POLN: variants seen among roughly 807,000 people sequenced by gnomAD.
The protein encoded by POLN is DNA polymerase N.
In POLN, 108 loss-of-function variants were observed where a neutral mutation model predicts 113.5. That is an observed-to-expected ratio of 0.95 (90% CI 0.81 to 1.12). The LOEUF (loss-of-function observed/expected upper bound fraction) is 1.12. Ranked by LOEUF, POLN falls within the 50% of genes most tolerant of loss-of-function variation. POLN has a pLI of 0.00. For missense variants in POLN, 1,097 were observed against 1,077.1 expected, an observed-to-expected ratio of 1.02 and a Z score of -0.26; for synonymous variants, 386 against 391.5, an observed-to-expected ratio of 0.99 and a Z score of 0.17.
At chr4:2,230,376 C>T (rs1010276953) in intron 2 of POLN, 1 of 151,984 alleles carries the variant, frequency 6.6e-6, no homozygotes, top group African/African-American at 2.4e-5. Context: ...TACCATAAAC[C>T]AGGAAACCAG....
chr4:2,151,245 A>G (rs1358729300), intron 16 of POLN, among the ~76,000 whole-genome samples: 2 of 152,252 alleles, frequency 1.3e-5, no homozygotes, highest in Non-Finnish European at 2.9e-5. Flanking sequence ...GGGTAATGCA[A>G]TGAAAACTGC....
intron 16 of POLN, among the ~76,000 whole-genome samples, chr4:2,143,471 CA>C (rs1193461238): frequency 6.6e-6 from 1 of 152,042 alleles, no homozygotes; most frequent in Non-Finnish European, 1.5e-5. Flanking sequence ...CTTCAAAAAG[CA>C]AAAACAACTG....
chr4:2,188,134 A>G (rs538182767), intron 7 of POLN, among the ~76,000 whole-genome samples: 1 of 152,060 alleles, frequency 6.6e-6, no homozygotes, highest in Admixed American at 6.5e-5. Context: ...CCCCTCCCCA[A>G]TAAAAAGGAA....
intron 23 of POLN, chr4:2,079,703 G>A: frequency 1.2e-6 from 1 of 816,456 alleles, no homozygotes; most frequent in Non-Finnish European, 1.5e-6. Flanking sequence ...TCCTGCCTCA[G>A]CCTCCTGAGT....
chr4:2,072,844 T>A, intron 25 of POLN, 124 bp downstream of exon 25: 1 of 982,640 alleles, frequency 1.0e-6, no homozygotes, highest in Non-Finnish European at 1.6e-6. Context: ...CGGCTGTGCC[T>A]GCTGTGGAGT....
At chr4:2,125,832 C>A (rs1481582930) in intron 19 of POLN, among the ~76,000 whole-genome samples, 2 of 152,098 alleles carry the variant, frequency 1.3e-5, no homozygotes, top group Non-Finnish European at 2.9e-5. Flanking sequence ...AAGTGACAGA[C>A]CTGGACAGAG....
At chr4:2,207,163 T>C (rs116799006) in intron 5 of POLN, among the ~76,000 whole-genome samples, 6,076 of 152,290 alleles carry the variant, frequency 0.04, 165 homozygotes, top group Middle Eastern at 0.051. Flanking sequence ...AAACGAAACA[T>C]TGTATGTTCT....
intron 2 of POLN, chr4:2,236,124 A>G: frequency 1.5e-6 from 1 of 645,650 alleles, no homozygotes. Flanking sequence ...TATTAAGGCA[A>G]TGAAATTGGG....
chr4:2,156,697 A>G (rs1732441970), intron 16 of POLN, 91 bp downstream of exon 16: 2 of 1,012,762 alleles, frequency 2.0e-6, no homozygotes, highest in Non-Finnish European at 3.1e-6. Context: ...TTGGAAACAG[A>G]AAGTGCACAG....
At chr4:2,146,268 G>A (rs1263965773) in intron 16 of POLN, among the ~76,000 whole-genome samples, 3 of 152,138 alleles carry the variant, frequency 2.0e-5, no homozygotes, top group Non-Finnish European at 2.9e-5. Context: ...CACTTTGGGC[G>A]GCCGAGGCAG....
intron 20 of POLN, among the ~76,000 whole-genome samples, chr4:2,087,141 G>A (rs1730569289): frequency 6.6e-6 from 1 of 152,216 alleles, no homozygotes; most frequent in Non-Finnish European, 1.5e-5. Context: ...CCGGCAGAAA[G>A]GGATAAAGTC....
chr4:2,166,531 G>T (rs1732732299), intron 13 of POLN, among the ~76,000 whole-genome samples: 1 of 152,190 alleles, frequency 6.6e-6, no homozygotes, highest in South Asian at 2.1e-4. Context: ...GTGTGTCTGT[G>T]CGAGTGTTTC....
intron 20 of POLN, among the ~76,000 whole-genome samples, chr4:2,090,922 T>C (rs2108696167): frequency 6.6e-6 from 1 of 152,356 alleles, no homozygotes; most frequent in South Asian, 2.1e-4. Flanking sequence ...GAATTTCTCA[T>C]TTCACTTTCC....
At chr4:2,208,787 C>T (rs1175404763) in intron 4 of POLN, among the ~76,000 whole-genome samples, 1 of 152,036 alleles carries the variant, frequency 6.6e-6, no homozygotes, top group Non-Finnish European at 1.5e-5. Flanking sequence ...GTCAGGAATT[C>T]GAGATGAGTC....
rs1057317133 is a variant in POLN at position 2,127,141 on chromosome 4, T to G, written c.1982+972A>C. On this transcript the variant is annotated intron_variant, in intron 19 of 25. Coordinates refer to ENST00000511885, the MANE Select transcript of POLN (RefSeq NM_181808.4). This position sits in a 1 kb window ranked among gnomAD's most constrained non-coding sequence, Gnocchi z 4.7. ...AGCTGGGACGGAGGGTAGGGAGGGG[T>G]GAGGGGGCCATAGGGAGGGGTGAGG... Among the ~76,000 whole-genome samples the G allele has an allele frequency of 1.7e-4, 12 of 70,656 alleles. No individual in the cohort carries two copies. Among genetic ancestry groups the G allele is most frequent in the South Asian group, 8.9e-4 (2 of 2,258 alleles). 46.4% of individuals were successfully genotyped at this position (70,656 alleles called of 152,430 possible).
At chr4:2,092,724 C>T (rs574618906) in intron 20 of POLN, among the ~76,000 whole-genome samples, 8 of 152,336 alleles carry the variant, frequency 5.3e-5, no homozygotes, top group Admixed American at 1.3e-4. Flanking sequence ...ATTTGTGGGC[C>T]GTTCAGAGGT....
chr4:2,232,696 C>G (rs1342102948), intron 2 of POLN, among the ~76,000 whole-genome samples: 2 of 152,118 alleles, frequency 1.3e-5, no homozygotes, highest in African/African-American at 2.4e-5. Flanking sequence ...CGAAAACCAT[C>G]CTAATCATAT....
At chr4:2,237,262 C>T (rs527922099) in intron 2 of POLN, among the ~76,000 whole-genome samples, 2 of 146,230 alleles carry the variant, frequency 1.4e-5, no homozygotes, top group South Asian at 4.2e-4. Context: ...GAAGCCCCAT[C>T]TCTACAAATT....
intron 20 of POLN, chr4:2,090,508 G>A: frequency 2.0e-6 from 1 of 512,334 alleles, no homozygotes; most frequent in Non-Finnish European, 3.6e-6. Flanking sequence ...AAACTGAGCA[G>A]CTGTTGATAG....
Sources: gnomAD v4.1 joint callset for allele counts (sites outside exome capture counted in the v4.1 genomes callset) on GRCh38, gnomAD v4.1.1 for gene constraint, Gnocchi (gnomAD v3.1) non-coding constraint, MANE v1.5 for transcripts, NCBI Gene and HGNC (gene_info 2026-07-23, HGNC 2026-07-21) for gene names.